Variants in DIAPH1 observed in about 807,000 individuals in gnomAD.
DIAPH1 encodes the protein protein diaphanous homolog 1.
In DIAPH1, 46 loss-of-function variants were observed where a neutral mutation model predicts 140.7. The observed-to-expected ratio is 0.33, with a 90% confidence interval of 0.26 to 0.42. The LOEUF is 0.42. Ranked by LOEUF, DIAPH1 falls within the 10% of genes least tolerant of loss-of-function variation. The pLI, the probability that DIAPH1 is intolerant of heterozygous loss-of-function variation, is 1.00. For missense variants in DIAPH1, 1,310 were observed against 1,558.7 expected (o/e 0.84, Z 2.69); for synonymous variants, 565 against 551.6 (o/e 1.02, Z -0.34).
At chr5:141,570,192 T>C (rs1303852870) in intron 18 of DIAPH1, among the ~76,000 whole-genome samples, 1 of 152,116 alleles carries the variant, frequency 6.6e-6, no homozygotes, top group Non-Finnish European at 1.5e-5. Flanking sequence ...CAGTATTCAT[T>C]TGCAATGGCA....
In DIAPH1 at chr5:141,582,391, A is replaced by G. The variant is rs2099896909; in HGVS notation, c.621-16T>C. On this transcript the variant is annotated splice_polypyrimidine_tract_variant and intron_variant, in intron 6 of 27. Coordinates refer to ENST00000389054, the MANE Select transcript of DIAPH1 (RefSeq NM_005219.5). ...ATCGTAACTCCTGTATATAGAAGACATAATCAGTGAGGTCCCTTTATTCTC... is the reference window on the plus strand; with the variant it reads ...ATCGTAACTCCTGTATATAGAAGACGTAATCAGTGAGGTCCCTTTATTCTC... 6.3e-7 allele frequency: 1 copy of G among 1,593,008 alleles called. No homozygotes were observed.
In DIAPH1 at chr5:141,573,789, G is replaced by T; in HGVS notation, c.2061C>A (p.Ile687=). ...PPPPLPGSAR[I]PPPPPPLPGS... ...CAGGCAAAGGAGGTGGTGGTGGGGG[G>T]ATTCTAGCACTCCCAGGCAAAGGAG... Residue 687 remains isoleucine, a synonymous_variant, in exon 16 of 28, where the codon ATC becomes ATA. Coordinates refer to ENST00000389054, the MANE Select transcript of DIAPH1 (RefSeq NM_005219.5). 9.9e-7 allele frequency: 1 copy of T among 1,013,774 alleles called. No individual in the cohort carries two copies. The highest frequency in any genetic ancestry group is 1.5e-5 in the South Asian group (1 of 67,268). 62.8% of individuals were successfully genotyped at this position (1,013,774 alleles called of 1,614,324 possible). A position where few individuals can be genotyped will look rare whatever the true frequency, so the allele number is the denominator to read the frequency against.
At chr5:141,607,083 C>A (rs1377437266) in intron 1 of DIAPH1, among the ~76,000 whole-genome samples, 2 of 152,036 alleles carry the variant, frequency 1.3e-5, no homozygotes, top group Non-Finnish European at 2.9e-5. Flanking sequence ...CTAAATACTA[C>A]CACTACTCTT....
At position 141,577,569 on chromosome 5, in the gene DIAPH1, T is replaced by G; in HGVS notation, c.1186A>C (p.Ile396Leu). Reference sequence around the variant, plus strand: ...GAATCCTTCACTGTGTTTAAGAGAATCTGAAAGACTTCATTAAAGTCAGTG... The same window carrying G: ...GAATCCTTCACTGTGTTTAAGAGAAGCTGAAAGACTTCATTAAAGTCAGTG... Reference protein sequence around the residue: ...EMDDFNEVFQILLNTVKDSKA... With the variant: ...EMDDFNEVFQLLLNTVKDSKA... Residue 396 changes from isoleucine (I) to leucine (L), a missense_variant, in exon 12 of 28, where the codon ATT becomes CTT. By Grantham distance (5) the Ile-to-Leu change is conservative. Transcript: ENST00000389054. 1 of 1,612,606 alleles carries G rather than the reference T, an allele frequency of 6.2e-7. No individual in the cohort carries two copies. The highest frequency in any genetic ancestry group is 1.1e-5 in the South Asian group (1 of 91,036).
Position 141,618,855 on chromosome 5 carries a change from G to C in DIAPH1, c.60C>G (p.Gly20=). The part of the protein sequence containing the change: ...PGRGTRDKKK[G]RSPDELPSAG... ...CCGAGGGCAGCTCATCTGGGCTCCGGCCCTTCTTCTTGTCCCGGGTCCCGC... is the reference window on the plus strand; with the variant it reads ...CCGAGGGCAGCTCATCTGGGCTCCGCCCCTTCTTCTTGTCCCGGGTCCCGC... Residue 20 remains glycine, a synonymous_variant, in exon 1 of 28, where the codon GGC becomes GGG. Transcript: ENST00000389054. 3 of 1,535,584 alleles carry C rather than the reference G, an allele frequency of 2.0e-6. No homozygotes were observed. Among genetic ancestry groups the C allele is most frequent in the African/African-American group, 2.8e-5 (2 of 71,094 alleles).
intron 1 of DIAPH1, among the ~76,000 whole-genome samples, chr5:141,605,346 A>C (rs1355433866): frequency 6.6e-6 from 1 of 152,216 alleles, no homozygotes; most frequent in Non-Finnish European, 1.5e-5. Flanking sequence ...TAAAATATAC[A>C]AAGACTGTAA....
intron 1 of DIAPH1, among the ~76,000 whole-genome samples, chr5:141,603,495 ATC>A (rs1204006323): frequency 6.6e-5 from 10 of 152,320 alleles, no homozygotes; most frequent in African/African-American, 2.4e-4. Flanking sequence ...GCCTTCCAAA[ATC>A]AGCATCTTTT....
chr5:141,574,207 A>G lies in DIAPH1; in HGVS notation c.1643T>C (p.Val548Ala). Residue 548 changes from valine (V) to alanine (A), a missense_variant and splice_region_variant, in exon 16 of 28, where the codon GTT (valine) becomes GCT (alanine). Coordinates refer to ENST00000389054, the MANE Select transcript of DIAPH1 (RefSeq NM_005219.5). ...TTCCAGTTCCTTTGTCAGCTTGGCA[A>G]CCTACAGAAATAACATCAATGTGAG... The part of the protein sequence containing the change: ...EAEVSQLTGE[V>A]AKLTKELEDA... 1 of 1,614,076 alleles carries G rather than the reference A, an allele frequency of 6.2e-7. No homozygotes were observed. Among genetic ancestry groups the G allele is most frequent in the Non-Finnish European group, 8.5e-7 (1 of 1,180,024 alleles).
intron 18 of DIAPH1, among the ~76,000 whole-genome samples, chr5:141,536,326 C>T (rs2099889009): frequency 6.6e-6 from 1 of 151,840 alleles, no homozygotes; most frequent in African/African-American, 2.4e-5. Context: ...TTTTGGAGCT[C>T]AGTAGTCCCA....
intron 18 of DIAPH1, among the ~76,000 whole-genome samples, chr5:141,542,131 C>T (rs761714158): frequency 1.2e-4 from 18 of 152,116 alleles, no homozygotes; most frequent in African/African-American, 4.3e-4. Flanking sequence ...ATAGACAAAA[C>T]GTAGAAATAG....
intron 1 of DIAPH1, among the ~76,000 whole-genome samples, chr5:141,614,096 T>C (rs1186347193): frequency 6.6e-6 from 1 of 152,168 alleles, no homozygotes; most frequent in Non-Finnish European, 1.5e-5. Flanking sequence ...ACAAAGGTAA[T>C]TGAGAAAAGG....
chr5:141,579,212 G>A lies in DIAPH1; in HGVS notation c.825-16C>T, dbSNP rs777497826. Reference sequence around the variant, plus strand: ...CCTTTCATTCCTGCCCAAGAGAAAGGAAACGGAGAGAACTTTCCAGGTACT... The same window carrying A: ...CCTTTCATTCCTGCCCAAGAGAAAGAAAACGGAGAGAACTTTCCAGGTACT... On this transcript the variant is annotated splice_polypyrimidine_tract_variant and intron_variant, in intron 8 of 27. Transcript: ENST00000389054. The A allele has an allele frequency of 6.3e-7, 1 of 1,598,884 alleles. No individual in the cohort carries two copies. The highest frequency in any genetic ancestry group is 2.2e-5 in the East Asian group (1 of 44,802).
At chr5:141,558,544 T>G (rs2099893004) in intron 18 of DIAPH1, 2 of 152,206 alleles carry the variant, frequency 1.3e-5, no homozygotes, top group South Asian at 4.1e-4. Flanking sequence ...GAACACGGAC[T>G]GAGTCAGTTG....
chr5:141,608,966 C>A (rs113321066), intron 1 of DIAPH1, among the ~76,000 whole-genome samples: 1 of 152,060 alleles, frequency 6.6e-6, no homozygotes, highest in Admixed American at 6.6e-5. Context: ...ACTAAAACTC[C>A]TGACAGGTGA....
chr5:141,616,220 C>T (rs2099902654), intron 1 of DIAPH1, among the ~76,000 whole-genome samples: 1 of 152,230 alleles, frequency 6.6e-6, no homozygotes, highest in African/African-American at 2.4e-5. Context: ...CAAGATGCCT[C>T]AGAGGGTAAG....
At chr5:141,550,515 A>C (rs2099891529) in intron 18 of DIAPH1, 1 of 154,418 alleles carries the variant, frequency 6.5e-6, no homozygotes, top group African/African-American at 2.4e-5. Context: ...AATCAGCAAG[A>C]AATCCAAACT....
chr5:141,584,832 C>T (rs1397753450), intron 3 of DIAPH1, among the ~76,000 whole-genome samples: 1 of 152,162 alleles, frequency 6.6e-6, no homozygotes, highest in Non-Finnish European at 1.5e-5. Context: ...CCTTGGTGTG[C>T]ACAAATTTAG....
intron 18 of DIAPH1, among the ~76,000 whole-genome samples, chr5:141,546,046 C>T (rs555265581): frequency 6.6e-6 from 1 of 152,194 alleles, no homozygotes; most frequent in South Asian, 2.1e-4. Context: ...ATGAAAACTT[C>T]CCTAAGAATA....
At chr5:141,564,670 C>G (rs1185740031) in intron 18 of DIAPH1, 1 of 152,150 alleles carries the variant, frequency 6.6e-6, no homozygotes, top group Non-Finnish European at 1.5e-5. Flanking sequence ...GAATGAAACT[C>G]AGACCAAAAC....
Sources: allele counts gnomAD v4.1 joint callset (sites outside exome capture counted in the v4.1 genomes callset), GRCh38; gene constraint gnomAD v4.1.1; transcripts MANE v1.5; gene names NCBI Gene and HGNC (gene_info 2026-07-23, HGNC 2026-07-21).